The following MCM5 variants were observed in gnomAD, a reference collection of about 807,000 sequenced individuals.
MCM5 encodes DNA replication licensing factor MCM5.
In MCM5, 46 loss-of-function variants were observed where a neutral mutation model predicts 79.9. The ratio of observed to expected loss-of-function variants is 0.58; its 90% CI spans 0.45 to 0.74. The LOEUF is 0.74. Among genes scored for constraint, MCM5 ranks in the 30% least tolerant of loss-of-function variants. MCM5 has a pLI of 0.00. For missense variants in MCM5, 883 were observed against 1,017.0 expected, an observed-to-expected ratio of 0.87 and a Z score of 1.79; for synonymous variants, 404 against 390.5, an observed-to-expected ratio of 1.03 and a Z score of -0.41.
chr22:35,424,436 T>A lies in MCM5; in HGVS notation c.*181T>A, dbSNP rs1202170437. The A allele has an allele frequency of 4.3e-5, 24 of 552,316 alleles. No individual in the cohort carries two copies. The highest frequency in any genetic ancestry group is 7.3e-5 in the Non-Finnish European group (23 of 313,602). The allele number at this position is 552,316 out of a possible 1,614,324, so 34.2% of individuals were successfully genotyped here. A position where few individuals can be genotyped will look rare whatever the true frequency, so the allele number is the denominator to read the frequency against. On this transcript the variant is annotated 3_prime_UTR_variant, in exon 17 of 17. Transcript: ENST00000216122. ...GTCCTGCTGCCTCTGGGCGCCCGCC[T>A]CTAGCGCGGTTCTGGGAAGTGTGCT...
chr22:35,424,411 G>A lies in MCM5; in HGVS notation c.*156G>A, dbSNP rs1932758270. 3.4e-6 allele frequency: 2 copies of A among 592,460 alleles called. No homozygotes were observed. Among genetic ancestry groups the A allele is most frequent in the Non-Finnish European group, 5.8e-6 (2 of 345,948 alleles). 36.7% of individuals were successfully genotyped at this position (592,460 alleles called of 1,614,324 possible). A position where few individuals can be genotyped will look rare whatever the true frequency, so the allele number is the denominator to read the frequency against. On this transcript the variant is annotated 3_prime_UTR_variant, in exon 17 of 17. Coordinates refer to ENST00000216122, the MANE Select transcript of MCM5 (RefSeq NM_006739.4). ...CTGCCCCAGAGGAAGGAGCTGTAGTGTCCTGCTGCCTCTGGGCGCCCGCCT... is the reference window on the plus strand; with the variant it reads ...CTGCCCCAGAGGAAGGAGCTGTAGTATCCTGCTGCCTCTGGGCGCCCGCCT...
At chr22:35,407,903 G>C (rs565407021) in intron 5 of MCM5, among the ~76,000 whole-genome samples, 1 of 152,330 alleles carries the variant, frequency 6.6e-6, no homozygotes, top group African/African-American at 2.4e-5. Context: ...ACCTGGAATA[G>C]TGTCAGACAC....
chr22:35,427,884 T>C (rs143306136), downstream of MCM5, among the ~76,000 whole-genome samples: 664 of 152,168 alleles, frequency 4.4e-3, 8 homozygotes, highest in African/African-American at 0.015. Context: ...GTTAAGAACA[T>C]GGACTTGGGG....
At chr22:35,444,907 CCTT>C in the MCM5 span, among the ~76,000 whole-genome samples, 6 of 152,218 alleles carry the variant, frequency 3.9e-5, no homozygotes, top group Non-Finnish European at 5.9e-5. Flanking sequence ...GCTCCCCTCT[CCTT>C]CTTCCTCTCT....
intron 5 of MCM5, among the ~76,000 whole-genome samples, chr22:35,407,560 A>ACACTGACTACCCCCAGTCT (rs1448244180): frequency 2.6e-4 from 39 of 151,608 alleles, no homozygotes; most frequent in Admixed American, 5.2e-4. Context: ...TTTCTGGAAT[A>ACACTGACTACCCCCAGTCT]CACTGACTAC....
At chr22:35,409,210 G>A (rs1323762664) in intron 6 of MCM5, among the ~76,000 whole-genome samples, 7 of 152,152 alleles carry the variant, frequency 4.6e-5, no homozygotes, top group Admixed American at 3.9e-4. Flanking sequence ...TGATCCGCCC[G>A]CCTTGGCCTC....
At chr22:35,401,320 A>C (rs1932042267) in intron 2 of MCM5, 1 of 452,510 alleles carries the variant, frequency 2.2e-6, no homozygotes, top group Non-Finnish European at 4.7e-6. Context: ...TAAAAGGTGA[A>C]GATGGCAGTT....
At chr22:35,432,681 T>G in the MCM5 span, among the ~76,000 whole-genome samples, 1 of 152,078 alleles carries the variant, frequency 6.6e-6, no homozygotes, top group African/African-American at 2.4e-5. Context: ...AACTCCAGCC[T>G]GGTCCAGCCT....
the MCM5 span, among the ~76,000 whole-genome samples, chr22:35,430,674 G>A: frequency 6.6e-6 from 1 of 151,712 alleles, no homozygotes; most frequent in South Asian, 2.1e-4. Flanking sequence ...GGCTAATTTT[G>A]TTTTGTTTTG....
the MCM5 span, among the ~76,000 whole-genome samples, chr22:35,453,679 CAG>C: frequency 2.0e-5 from 3 of 150,070 alleles, no homozygotes; most frequent in Non-Finnish European, 3.0e-5. Flanking sequence ...GCATCAGAGA[CAG>C]AAAGACAGGG....
intron 13 of MCM5, among the ~76,000 whole-genome samples, chr22:35,418,174 CTA>C (rs1027785877): frequency 6.6e-6 from 1 of 152,184 alleles, no homozygotes; most frequent in Non-Finnish European, 1.5e-5. Context: ...TGCCTTCACT[CTA>C]TGACTTTGGG....
intron 16 of MCM5, 75 bp from the exon 17 acceptor site, chr22:35,424,079 A>G: frequency 1.1e-6 from 1 of 946,474 alleles, no homozygotes; most frequent in Non-Finnish European, 1.6e-6. Context: ...GTTCCCCGTG[A>G]GCCTGGGGAT....
At chr22:35,448,263 G>T in the MCM5 span, among the ~76,000 whole-genome samples, 2 of 152,214 alleles carry the variant, frequency 1.3e-5, no homozygotes, top group African/African-American at 4.8e-5. Flanking sequence ...TATGTGGAGA[G>T]CCTGGCCTAC....
the MCM5 span, among the ~76,000 whole-genome samples, chr22:35,441,982 T>C: frequency 1.3e-5 from 2 of 151,896 alleles, no homozygotes; most frequent in Non-Finnish European, 2.9e-5. Context: ...ATCCCACGGG[T>C]CCCTCCCTCT....
At chr22:35,448,169 A>C in the MCM5 span, among the ~76,000 whole-genome samples, 2 of 152,296 alleles carry the variant, frequency 1.3e-5, no homozygotes, top group African/African-American at 2.4e-5. Flanking sequence ...CGGACTCTCT[A>C]TGTCTCAGTT....
At chr22:35,405,219 T>C (rs1170745667) in intron 4 of MCM5, among the ~76,000 whole-genome samples, 1 of 152,068 alleles carries the variant, frequency 6.6e-6, no homozygotes, top group African/African-American at 2.4e-5. Context: ...GGTTTCACCA[T>C]GTTGGCCAGG....
chr22:35,422,565 G>T (rs1489584181), intron 15 of MCM5: 1 of 152,476 alleles, frequency 6.6e-6, no homozygotes, highest in African/African-American at 2.4e-5. Context: ...GACATTGCAG[G>T]TGGAGGCCTC....
chr22:35,404,784 C>T (rs759820077), intron 4 of MCM5, among the ~76,000 whole-genome samples: 9 of 152,138 alleles, frequency 5.9e-5, no homozygotes, highest in African/African-American at 1.4e-4. Context: ...CTCGTTCAGC[C>T]GGAGGAGGGC....
At chr22:35,410,508 C>G in intron 6 of MCM5, 1 of 497,936 alleles carries the variant, frequency 2.0e-6, no homozygotes, top group Non-Finnish European at 3.7e-6. Flanking sequence ...ACCTGCCTTT[C>G]TGTTTGGCTG....
Sources: gnomAD v4.1 joint callset for allele counts (sites outside exome capture counted in the v4.1 genomes callset) on GRCh38, gnomAD v4.1.1 for gene constraint, MANE v1.5 for transcripts, NCBI Gene and HGNC (gene_info 2026-07-23, HGNC 2026-07-21) for gene names.